TEX36: variants seen among roughly 807,000 people sequenced by gnomAD.
The protein encoded by TEX36 is testis expressed 36.
Under a neutral mutation model 13.6 loss-of-function variants are expected in TEX36, and 12 were observed. That is an observed-to-expected ratio of 0.88 (90% CI 0.56 to 1.43). TEX36 has a LOEUF of 1.43. Ranked by LOEUF, TEX36 falls within the 40% of genes most tolerant of loss-of-function variation. The pLI is 0.00. For synonymous variants in TEX36, 93 were observed against 83.0 expected (o/e 1.12, Z -0.65); for missense variants, 224 against 228.3 (o/e 0.98, Z 0.12).
chr10:125,640,950 CCTCCCCCACACCCATCT>C (rs1846681797), intron 3 of TEX36, among the ~76,000 whole-genome samples: 1 of 151,928 alleles, frequency 6.6e-6, no homozygotes, highest in Non-Finnish European at 1.5e-5. Context: ...TTCAACCCTT[CCTCCCCCACACCCATCT>C]CTCCCCCCTC....
At chr10:125,666,974 G>A (rs1016947070) in intron 1 of TEX36, 47 of 1,125,592 alleles carry the variant, frequency 4.2e-5, no homozygotes, top group Middle Eastern at 2.5e-4. Context: ...TGTTGGCCAC[G>A]GCTCACTTGA....
intron 1 of TEX36, among the ~76,000 whole-genome samples, chr10:125,677,981 C>T (rs1473766511): frequency 6.6e-6 from 1 of 152,104 alleles, no homozygotes; most frequent in Admixed American, 6.5e-5. Flanking sequence ...TGCACCCAGC[C>T]CCTAAAATGA....
intron 3 of TEX36, among the ~76,000 whole-genome samples, chr10:125,637,985 G>T (rs1846640597): frequency 6.6e-6 from 1 of 151,702 alleles, no homozygotes. Flanking sequence ...CCCTTGAAAT[G>T]ATCATGCCAC....
chr10:125,586,406 A>G (rs1845949751), intron 3 of TEX36, among the ~76,000 whole-genome samples: 2 of 152,130 alleles, frequency 1.3e-5, no homozygotes, highest in Admixed American at 6.5e-5. Flanking sequence ...TGTTAAATTT[A>G]TACCTTGGTA....
At chr10:125,615,951 C>T (rs564919811) in intron 3 of TEX36, among the ~76,000 whole-genome samples, 78 of 152,304 alleles carry the variant, frequency 5.1e-4, no homozygotes, top group Middle Eastern at 3.4e-3. Flanking sequence ...ATTATTGCCA[C>T]AATTTCAGCT....
chr10:125,603,560 A>C lies in TEX36; in HGVS notation c.265-26686T>G, dbSNP rs373800016. Reference sequence around the variant, plus strand: ...CAGATAAGGCTGTGCCATCATTCTCACCTCTAAAATGCTGGCATGCAAATG... The same window carrying C: ...CAGATAAGGCTGTGCCATCATTCTCCCCTCTAAAATGCTGGCATGCAAATG... On this transcript the variant is annotated intron_variant, in intron 3 of 3. Transcript: ENST00000532135. 1.9e-3 allele frequency among the ~76,000 whole-genome samples: 284 copies of C among 152,116 alleles called. 1 individual carries two copies. Among genetic ancestry groups the C allele is most frequent in the African/African-American group, 6.6e-3 (275 of 41,482 alleles).
rs1311283591 is a variant in TEX36, at chr10:125,661,087, G to T, written c.198C>A (p.Asn66Lys). The T allele has an allele frequency of 6.4e-7, 1 of 1,551,856 alleles. No homozygotes were observed. The highest frequency in any genetic ancestry group is 2.4e-5 in the East Asian group (1 of 40,918). The change falls in exon 3 of 4, where the codon AAC (asparagine) becomes AAA (lysine). Residue 66 changes from asparagine to lysine, a missense_variant. Transcript: ENST00000368821. ...TGTCATGCACGGAGAAGGGGAACTG[G>T]TTATTCACTGCTTGCTGGAAAAGTG... Reference protein sequence around the residue: ...YKVREKQAVNNQFPFSVHDNR... With the variant: ...YKVREKQAVNKQFPFSVHDNR...
Position 125,636,785 on chromosome 10 carries a change from C to T in TEX36, c.265-15140G>A, listed in dbSNP as rs75330343. Among the ~76,000 whole-genome samples the T allele has an allele frequency of 1.0e-2, 1,520 of 152,274 alleles. 21 individuals are homozygous for T. The highest frequency in any genetic ancestry group is 0.035 in the African/African-American group (1,460 of 41,536). Reference sequence around the variant, plus strand: ...CTTGTGTGTGGGTGAGCTAAGAACACTCAGCGTGAGATGCGTCCTTTTCGA... The same window carrying T: ...CTTGTGTGTGGGTGAGCTAAGAACATTCAGCGTGAGATGCGTCCTTTTCGA... On this transcript the variant is annotated intron_variant, in intron 3 of 3. Transcript: ENST00000526819.
intron 3 of TEX36, among the ~76,000 whole-genome samples, chr10:125,613,725 G>A (rs376490653): frequency 1.4e-3 from 210 of 152,044 alleles, no homozygotes; most frequent in African/African-American, 4.4e-3. Flanking sequence ...ATTGCGAATA[G>A]TGCCGCAATA....
At chr10:125,665,584 T>A (rs1438528879) in intron 1 of TEX36, among the ~76,000 whole-genome samples, 1 of 152,214 alleles carries the variant, frequency 6.6e-6, no homozygotes, top group Non-Finnish European at 1.5e-5. Context: ...TTGGTCTGTG[T>A]GTCTAATTTT....
downstream of TEX36, among the ~76,000 whole-genome samples, chr10:125,617,068 T>C (rs1253112339): frequency 6.6e-6 from 1 of 152,210 alleles, no homozygotes; most frequent in Non-Finnish European, 1.5e-5. Context: ...TTGATCTTTG[T>C]TGGTTTAAAG....
intron 1 of TEX36, chr10:125,668,026 T>A: frequency 1.5e-6 from 1 of 676,948 alleles, no homozygotes; most frequent in South Asian, 1.7e-5. Context: ...CCCTTGGTTG[T>A]CAACAGAAAT....
At chr10:125,594,339 T>G (rs1443900556) in intron 3 of TEX36, among the ~76,000 whole-genome samples, 1 of 152,144 alleles carries the variant, frequency 6.6e-6, no homozygotes, top group Admixed American at 6.5e-5. Flanking sequence ...GCAGATGTAG[T>G]AAAATTAATA....
At chr10:125,586,370 G>A (rs768903344) in intron 3 of TEX36, among the ~76,000 whole-genome samples, 69 of 152,056 alleles carry the variant, frequency 4.5e-4, no homozygotes, top group Admixed American at 9.8e-4. Flanking sequence ...CATATATCTT[G>A]TAGTTTTCAG....
chr10:125,655,358 T>C (rs1846921961), downstream of TEX36, among the ~76,000 whole-genome samples: 1 of 152,028 alleles, frequency 6.6e-6, no homozygotes, highest in South Asian at 2.1e-4. Flanking sequence ...GGCAGGAGAA[T>C]CGCTTGAACC....
chr10:125,614,465 G>A (rs1846331680), intron 3 of TEX36, among the ~76,000 whole-genome samples: 2 of 150,524 alleles, frequency 1.3e-5, no homozygotes, highest in South Asian at 4.2e-4. Flanking sequence ...TGTATAAGGT[G>A]TAAGGAAGGG....
intron 3 of TEX36, among the ~76,000 whole-genome samples, chr10:125,604,024 C>G (rs558615691): frequency 6.6e-6 from 1 of 152,300 alleles, no homozygotes; most frequent in East Asian, 1.9e-4. Context: ...TCAGAAAGTG[C>G]TTGCTGGTGA....
intron 3 of TEX36, chr10:125,578,316 G>A (rs4615940): frequency 2.6e-4 from 40 of 152,340 alleles, no homozygotes; most frequent in African/African-American, 9.6e-4. Context: ...TTCTGGTTTA[G>A]CTCAACTTGA....
intron 3 of TEX36, among the ~76,000 whole-genome samples, chr10:125,641,859 T>C (rs1846697815): frequency 6.6e-6 from 1 of 152,232 alleles, no homozygotes; most frequent in Admixed American, 6.5e-5. Context: ...CCTTTTGTTT[T>C]TGACTCACTG....
Sources: allele counts gnomAD v4.1 joint callset (sites outside exome capture counted in the v4.1 genomes callset), GRCh38; gene constraint gnomAD v4.1.1; transcripts MANE v1.5; gene names NCBI Gene and HGNC (gene_info 2026-07-23, HGNC 2026-07-21).